Variants in SPATA3 observed in about 807,000 individuals in gnomAD.
SPATA3 encodes the protein spermatogenesis associated 3.
Under a neutral mutation model 5.7 loss-of-function variants are expected in SPATA3, and 6 were observed. That is an observed-to-expected ratio of 1.06 (90% CI 0.58 to 2.09). The LOEUF (loss-of-function observed/expected upper bound fraction) is 2.09, where lower values mean the gene tolerates loss of function less well. Among genes scored for constraint, SPATA3 ranks in the 30% most tolerant of loss-of-function variants. The pLI is 0.00. For synonymous variants in SPATA3, 44 were observed against 48.4 expected (o/e 0.91, Z 0.37); for missense variants, 155 against 130.4 (o/e 1.19, Z -0.92).
downstream of SPATA3, among the ~76,000 whole-genome samples, chr2:231,003,246 C>G (rs900169343): frequency 2.0e-5 from 3 of 152,246 alleles, no homozygotes; most frequent in Admixed American, 6.5e-5. Flanking sequence ...CTTCCATCTT[C>G]TCAACCCCTG....
chr2:231,005,532 T>A (rs201538040), downstream of SPATA3, among the ~76,000 whole-genome samples: 1 of 23,260 alleles, frequency 4.3e-5, no homozygotes. Flanking sequence ...ACCACCACCA[T>A]CATCACCACC....
intron 5 of SPATA3, among the ~76,000 whole-genome samples, chr2:231,012,870 G>T (rs1692823803): frequency 6.6e-6 from 1 of 152,166 alleles, no homozygotes; most frequent in South Asian, 2.1e-4. Context: ...AATGAATTTG[G>T]TGAAAGAAAC....
chr2:231,006,873 T>C (rs1469493996), downstream of SPATA3: 1 of 152,174 alleles, frequency 6.6e-6, no homozygotes, highest in Admixed American at 6.5e-5. Flanking sequence ...TTCCCAGCCA[T>C]TTTGGGCGTT....
intron 1 of SPATA3, 47 bp downstream of exon 1, chr2:230,996,581 A>G (rs1692131776): frequency 1.3e-6 from 2 of 1,535,186 alleles, no homozygotes; most frequent in Admixed American, 2.0e-5. Flanking sequence ...CTGCTGATGG[A>G]GTTCTGGGTC....
chr2:231,012,758 T>C (rs2136475), intron 5 of SPATA3: 66,336 of 151,976 alleles, frequency 0.44, 15,573 homozygotes, highest in African/African-American at 0.59. Context: ...TCATGTGGTG[T>C]CTGTTTTGTG....
At chr2:231,000,599 C>T in intron 2 of SPATA3, 62 bp downstream of exon 2, 1 of 1,363,722 alleles carries the variant, frequency 7.3e-7, no homozygotes. Flanking sequence ...GCTCTGCCCC[C>T]AGACCTTATT....
chr2:231,005,517 TCAC>T (rs1433132072), downstream of SPATA3, among the ~76,000 whole-genome samples: 3 of 7,112 alleles, frequency 4.2e-4, no homozygotes, highest in East Asian at 2.1e-3. Context: ...ACCACCACCA[TCAC>T]CACCACCACC....
At chr2:230,997,599 C>T (rs1455063670) in intron 1 of SPATA3, among the ~76,000 whole-genome samples, 1 of 152,220 alleles carries the variant, frequency 6.6e-6, no homozygotes, top group Non-Finnish European at 1.5e-5. Context: ...CAATCTTACC[C>T]ATGGAAGACA....
chr2:231,007,085 A>G (rs1327208295), downstream of SPATA3: 1 of 152,242 alleles, frequency 6.6e-6, no homozygotes, highest in East Asian at 1.9e-4. Context: ...TGAATCCTAA[A>G]TAATTTATTT....
chr2:231,002,861 T>A, downstream of SPATA3: 1 of 1,038,202 alleles, frequency 9.6e-7, no homozygotes, highest in Non-Finnish European at 1.3e-6. Context: ...CGAATGGAGG[T>A]GGTCTCTTCA....
chr2:230,997,296 C>T (rs895802969), intron 1 of SPATA3, among the ~76,000 whole-genome samples: 1 of 152,208 alleles, frequency 6.6e-6, no homozygotes, highest in African/African-American at 2.4e-5. Context: ...ACTCTCTTCT[C>T]TTGTCTGCCG....
Position 231,000,549 on chromosome 2 carries a change from G to C in SPATA3, c.962+12G>C, listed in dbSNP as rs778607149. 2 of 1,500,110 alleles carry C rather than the reference G, an allele frequency of 1.3e-6. No homozygotes were observed. Among genetic ancestry groups the C allele is most frequent in the Non-Finnish European group, 1.8e-6 (2 of 1,116,426 alleles). The allele number at this position is 1,500,110 out of a possible 1,614,324, so 92.9% of individuals were successfully genotyped here. Reference sequence around the variant, plus strand: ...CTCACCTTCTACAGGTTCCAAGCGCGAGGGGCTGGAGCCTCGGGGCACACA... The same window carrying C: ...CTCACCTTCTACAGGTTCCAAGCGCCAGGGGCTGGAGCCTCGGGGCACACA... On this transcript the variant is annotated intron_variant, in intron 2 of 2. Coordinates refer to ENST00000645363, the Ensembl canonical transcript of SPATA3.
downstream of SPATA3, among the ~76,000 whole-genome samples, chr2:231,006,078 C>T (rs1401561607): frequency 1.3e-5 from 2 of 151,436 alleles, no homozygotes; most frequent in African/African-American, 4.9e-5. Context: ...ACCTGTAATC[C>T]CAGCTATTTG....
At chr2:231,013,747 C>T (rs190426232) in intron 5 of SPATA3, 8 of 152,176 alleles carry the variant, frequency 5.3e-5, no homozygotes, top group South Asian at 2.1e-4. Flanking sequence ...ACCTCAGTCT[C>T]GAAGGCATGT....
At chr2:231,007,069 G>T (rs1350468448), downstream of SPATA3, among the ~76,000 whole-genome samples, 1 of 152,172 alleles carries the variant, frequency 6.6e-6, no homozygotes, top group East Asian at 1.9e-4. Flanking sequence ...AGGAATGGAA[G>T]AAATTTGAAT....
chr2:230,998,761 C>T (rs1316629218), intron 1 of SPATA3, among the ~76,000 whole-genome samples: 1 of 152,210 alleles, frequency 6.6e-6, no homozygotes, highest in Non-Finnish European at 1.5e-5. Context: ...AGCTGGAATC[C>T]TCATACACTG....
At chr2:231,006,571 C>A (rs1692633451), downstream of SPATA3, 1 of 151,794 alleles carries the variant, frequency 6.6e-6, no homozygotes. Flanking sequence ...CAGGGAAGAA[C>A]TTTAGCCAAT....
At chr2:231,001,177 G>A (rs572528285) in intron 2 of SPATA3, among the ~76,000 whole-genome samples, 1 of 152,192 alleles carries the variant, frequency 6.6e-6, no homozygotes, top group East Asian at 1.9e-4. Flanking sequence ...TTCCCAAAAA[G>A]CCACCAGGAG....
downstream of SPATA3, among the ~76,000 whole-genome samples, chr2:231,005,133 T>TCAC (rs150496674): frequency 3.2e-5 from 3 of 92,828 alleles, no homozygotes; most frequent in African/African-American, 1.3e-4. Context: ...ACCATCATCA[T>TCAC]CACCACCACC....
Sources: allele counts gnomAD v4.1 joint callset (sites outside exome capture counted in the v4.1 genomes callset), GRCh38; gene constraint gnomAD v4.1.1; transcripts MANE v1.5; gene names NCBI Gene and HGNC (gene_info 2026-07-23, HGNC 2026-07-21).